Variants in FMN2 observed in about 807,000 individuals in gnomAD.
The protein encoded by FMN2 is formin-2.
FMN2 carries 51 observed loss-of-function variants against 142.3 expected under a neutral mutation model. The observed-to-expected ratio is 0.36, with a 90% CI of 0.29 to 0.45. The LOEUF (loss-of-function observed/expected upper bound fraction) is 0.45, where lower values mean the gene tolerates loss of function less well. FMN2 is among the 20% of genes least tolerant of loss of function. The probability of loss-of-function intolerance (pLI) is 1.00; values close to 1 mark genes in which losing one functional copy is unlikely to be tolerated. For synonymous variants in FMN2, 882 were observed against 869.8 expected (o/e 1.01, Z -0.25); for missense variants, 1,936 against 2,122.8 (o/e 0.91, Z 1.73).
intron 7 of FMN2, among the ~76,000 whole-genome samples, chr1:240,258,367 C>G (rs1161377687): frequency 1.3e-5 from 2 of 152,148 alleles, no homozygotes; most frequent in Admixed American, 1.3e-4. Context: ...AGTTCGAGAT[C>G]AGGGTGCCAG....
chr1:240,355,943 C>G, intron 14 of FMN2, 35 bp downstream of exon 14: 1 of 358,660 alleles, frequency 2.8e-6, no homozygotes. Context: ...GTTTTTCTCC[C>G]CTTTCAGCAA....
chr1:240,155,742 A>T (rs981741421), intron 2 of FMN2, among the ~76,000 whole-genome samples: 2 of 152,038 alleles, frequency 1.3e-5, no homozygotes, highest in African/African-American at 4.8e-5. Flanking sequence ...TGCAGATTAG[A>T]TGGGCAATTC....
chr1:240,266,801 A>G (rs956544138), intron 7 of FMN2, among the ~76,000 whole-genome samples: 9 of 152,064 alleles, frequency 5.9e-5, no homozygotes, highest in Non-Finnish European at 2.9e-5. Context: ...CCACACATCT[A>G]CAGTCATCCA....
chr1:240,143,319 A>G lies in FMN2; in HGVS notation c.1782+19974A>G. 5.3e-6 allele frequency: 8 copies of G among 1,506,742 alleles called. No homozygotes were observed. The South Asian group carries it at 7.9e-5, about 15-fold the overall frequency. 93.3% of individuals were successfully genotyped at this position (1,506,742 alleles called of 1,614,324 possible). ...AGATGAGGGCCAGTGCTAAAGGTACAGCCCTCCGGAGTGCAGGCTCCCCAT... is the reference window on the plus strand; with the variant it reads ...AGATGAGGGCCAGTGCTAAAGGTACGGCCCTCCGGAGTGCAGGCTCCCCAT... On this transcript the variant is annotated intron_variant, in intron 2 of 17. Transcript: ENST00000319653.
chr1:240,200,484 G>A (rs1215419772), intron 4 of FMN2, among the ~76,000 whole-genome samples: 1 of 152,134 alleles, frequency 6.6e-6, no homozygotes, highest in Admixed American at 6.6e-5. Flanking sequence ...CCTGGATAAG[G>A]AAGGCCAGAT....
intron 15 of FMN2, among the ~76,000 whole-genome samples, chr1:240,394,267 C>A (rs1031419853): frequency 6.6e-6 from 1 of 152,136 alleles, no homozygotes; most frequent in Non-Finnish European, 1.5e-5. Flanking sequence ...AGTTTCAAGA[C>A]CAGAAGGGTC....
chr1:240,259,823 G>A (rs775347521), intron 7 of FMN2, among the ~76,000 whole-genome samples: 6 of 152,074 alleles, frequency 3.9e-5, no homozygotes, highest in Non-Finnish European at 7.4e-5. Context: ...TTCTTTAGTG[G>A]TGATCTGAGA....
chr1:240,381,955 G>T (rs1304370286), intron 14 of FMN2, among the ~76,000 whole-genome samples: 1 of 152,112 alleles, frequency 6.6e-6, no homozygotes, highest in Non-Finnish European at 1.5e-5. Flanking sequence ...TCAACATAGT[G>T]CTGGAAGTTG....
Position 240,177,985 on chromosome 1 carries a change from G to T in FMN2, c.1847G>T (p.Gly616Val), listed in dbSNP as rs953549682. 3 of 1,612,850 alleles carry T rather than the reference G, an allele frequency of 1.9e-6. No homozygotes were observed. Among genetic ancestry groups the T allele is most frequent in the Admixed American group, 1.7e-5 (1 of 59,702 alleles). Residue 616 changes from glycine (G) to valine (V), a missense_variant, in exon 3 of 18, where the codon GGG becomes GTG. This residue lies in a region of FMN2 where 478 missense variants were observed against 462.8 expected (regional missense o/e 1.03). Coordinates refer to ENST00000319653, the MANE Select transcript of FMN2 (RefSeq NM_020066.5). ...ACACACTCATTGGACTATTCAGAAG[G>T]GCAGTTTCCTAGGCGAGTTCCATCC... ...QPTHSLDYSEGQFPRRVPSMG... is the reference protein window; with the variant it reads ...QPTHSLDYSEVQFPRRVPSMG...
chr1:240,404,848 C>T (rs1232757153), intron 15 of FMN2, among the ~76,000 whole-genome samples: 2 of 152,006 alleles, frequency 1.3e-5, no homozygotes, highest in East Asian at 1.9e-4. Flanking sequence ...TGTTTGTTAG[C>T]GTTAGCGCTT....
chr1:240,427,046 A>G (rs549322418), intron 15 of FMN2, among the ~76,000 whole-genome samples: 5 of 151,930 alleles, frequency 3.3e-5, no homozygotes, highest in Admixed American at 1.3e-4. Flanking sequence ...GGCCCAAGAT[A>G]CCCTTGTTAA....
At position 240,474,311 on chromosome 1, in the gene FMN2, T is replaced by C. The variant is rs544000501; in HGVS notation, c.*157T>C. The C allele has an allele frequency of 1.6e-6, 1 of 638,124 alleles. No homozygotes were observed. Among genetic ancestry groups the C allele is most frequent in the Admixed American group, 4.2e-5 (1 of 23,838 alleles). 39.5% of individuals were successfully genotyped at this position (638,124 alleles called of 1,614,324 possible). ...TCTAGACAGTTCACTAATTGTTGAA[T>C]TTTACTGTATATTCATATAAAAATG... On this transcript the variant is annotated 3_prime_UTR_variant, in exon 18 of 18. Transcript: ENST00000319653.
intron 2 of FMN2, among the ~76,000 whole-genome samples, chr1:240,134,220 AAG>A (rs1270966923): frequency 6.6e-6 from 1 of 152,224 alleles, no homozygotes; most frequent in Non-Finnish European, 1.5e-5. Context: ...TTTTGTAAAG[AAG>A]AGAGCTGTAG....
chr1:240,204,307 C>A (rs1474003131), intron 4 of FMN2, among the ~76,000 whole-genome samples: 1 of 152,118 alleles, frequency 6.6e-6, no homozygotes, highest in Non-Finnish European at 1.5e-5. Flanking sequence ...AGGATTAAGA[C>A]TACTAAATTT....
chr1:240,195,490 T>A (rs776040770), intron 4 of FMN2, among the ~76,000 whole-genome samples: 2 of 152,356 alleles, frequency 1.3e-5, no homozygotes, highest in Non-Finnish European at 2.9e-5. Flanking sequence ...GTGATGCTGC[T>A]GTTGGCCATA....
intron 7 of FMN2, among the ~76,000 whole-genome samples, chr1:240,280,237 T>C (rs1669351686): frequency 6.6e-6 from 1 of 152,168 alleles, no homozygotes; most frequent in South Asian, 2.1e-4. Flanking sequence ...AAGTTTTAGG[T>C]GAACTATTTT....
intron 15 of FMN2, among the ~76,000 whole-genome samples, chr1:240,423,714 T>C (rs981742201): frequency 6.6e-6 from 1 of 152,186 alleles, no homozygotes; most frequent in Non-Finnish European, 1.5e-5. Flanking sequence ...CAGAACTGAA[T>C]TGCTGACTCG....
At chr1:240,125,701 A>G (rs1662468912) in intron 2 of FMN2, among the ~76,000 whole-genome samples, 1 of 152,216 alleles carries the variant, frequency 6.6e-6, no homozygotes, top group African/African-American at 2.4e-5. Flanking sequence ...AGAAAAGAAT[A>G]GGGTAATCCT....
chr1:240,194,177 TG>T (rs1665825676), intron 4 of FMN2, among the ~76,000 whole-genome samples: 2 of 152,110 alleles, frequency 1.3e-5, no homozygotes, highest in Admixed American at 1.3e-4. Flanking sequence ...TGTCTAAACT[TG>T]ATTTTGTTCT....
Sources: gnomAD v4.1 joint callset for allele counts (sites outside exome capture counted in the v4.1 genomes callset) on GRCh38, gnomAD v4.1.1 for gene constraint, gnomAD v4.1.1 regional missense constraint, MANE v1.5 for transcripts, NCBI Gene and HGNC (gene_info 2026-07-23, HGNC 2026-07-21) for gene names.